PMPCB: variants seen among roughly 807,000 people sequenced by gnomAD.
PMPCB encodes the protein peptidase, mitochondrial processing subunit beta.
Under a neutral mutation model 61.5 loss-of-function variants are expected in PMPCB, and 46 were observed. The ratio of observed to expected loss-of-function variants is 0.75; its 90% CI spans 0.59 to 0.96. The LOEUF (loss-of-function observed/expected upper bound fraction) is 0.96, where lower values mean the gene tolerates loss of function less well. PMPCB is among the 40% of genes least tolerant of loss of function. PMPCB has a pLI of 0.00. For missense variants in PMPCB, 590 were observed against 602.4 expected (o/e 0.98, Z 0.22); for synonymous variants, 191 against 201.6 (o/e 0.95, Z 0.44).
rs750021053 is a variant in PMPCB, at chr7:103,297,568, C to T, written c.99+10C>T. The T allele has an allele frequency of 6.2e-7, 1 of 1,611,682 alleles. No individual in the cohort carries two copies. The highest frequency in any genetic ancestry group is 8.5e-7 in the Non-Finnish European group (1 of 1,178,610). On this transcript the variant is annotated intron_variant, in intron 1 of 12. Coordinates refer to ENST00000249269, the MANE Select transcript of PMPCB (RefSeq NM_004279.3). Reference sequence around the variant, plus strand: ...AGGCGCTGCGGGACGGGTGAGCTTCCCTCCAGGCCGGTCCTGTCCTCGAGA... The same window carrying T: ...AGGCGCTGCGGGACGGGTGAGCTTCTCTCCAGGCCGGTCCTGTCCTCGAGA...
At chr7:103,302,934 A>C (rs1287317090) in intron 4 of PMPCB, among the ~76,000 whole-genome samples, 3 of 152,210 alleles carry the variant, frequency 2.0e-5, no homozygotes, top group African/African-American at 7.2e-5. Context: ...AATCGTATTA[A>C]TGAAATTTAG....
chr7:103,322,825 A>G, intron 12 of PMPCB: 1 of 1,520,366 alleles, frequency 6.6e-7, no homozygotes, highest in Non-Finnish European at 9.0e-7. Flanking sequence ...GAAACAAACT[A>G]CTGCTTATAG....
chr7:103,316,667 G>T (rs918667343), downstream of PMPCB: 1 of 622,644 alleles, frequency 1.6e-6, no homozygotes, highest in South Asian at 2.0e-5. Flanking sequence ...CAATGGGTAA[G>T]ACTGACAGCT....
At chr7:103,344,288 C>T in the PMPCB span, 5 of 532,504 alleles carry the variant, frequency 9.4e-6, no homozygotes, top group Non-Finnish European at 1.7e-5. Flanking sequence ...GGGGTTCCGT[C>T]CCGAAATGCT....
exon 13 of PMPCB, chr7:103,329,162 C>G: frequency 3.0e-6 from 1 of 338,818 alleles, no homozygotes; most frequent in Non-Finnish European, 5.6e-6. Context: ...CTGTGTGTCA[C>G]TTACAATTAA....
intron 9 of PMPCB, 140 bp from the exon 10 acceptor site, chr7:103,311,503 C>G (rs948404149): frequency 2.7e-5 from 17 of 627,482 alleles, no homozygotes; most frequent in Middle Eastern, 3.1e-4. Flanking sequence ...GGAAAATAAT[C>G]ATTTTAGCTT....
the PMPCB span, chr7:103,344,538 C>G: frequency 2.5e-6 from 4 of 1,613,538 alleles, no homozygotes; most frequent in African/African-American, 5.3e-5. Flanking sequence ...GAGAAGGAAC[C>G]GAGGTTGGGT....
At chr7:103,300,038 G>A (rs1477862900) in intron 3 of PMPCB, 140 bp from the exon 4 acceptor site, 9 of 715,790 alleles carry the variant, frequency 1.3e-5, no homozygotes, top group Middle Eastern at 3.6e-4. Flanking sequence ...GTGAGCCATC[G>A]TACCATACCT....
At chr7:103,347,223 G>GT in the PMPCB span, among the ~76,000 whole-genome samples, 3 of 152,156 alleles carry the variant, frequency 2.0e-5, no homozygotes, top group Non-Finnish European at 2.9e-5. Context: ...GTTTTTGCTT[G>GT]TTTTTTAATA....
intron 12 of PMPCB, chr7:103,327,334 G>C: frequency 7.8e-7 from 1 of 1,281,076 alleles, no homozygotes; most frequent in Non-Finnish European, 1.0e-6. Flanking sequence ...ACACTTACAT[G>C]AATTAACTGT....
chr7:103,346,128 G>T, the PMPCB span, among the ~76,000 whole-genome samples: 4 of 151,714 alleles, frequency 2.6e-5, no homozygotes, highest in Non-Finnish European at 5.9e-5. Flanking sequence ...ATGGGTTTTT[G>T]TTTTTTTGTT....
In PMPCB at chr7:103,314,457, C is replaced by T; in HGVS notation, c.*2186C>T. Reference sequence around the variant, plus strand: ...AGTCACTCTTGCCTTCACAGGGTCACCTCTCCTCACAGAAAGCAGACTGGA... The same window carrying T: ...AGTCACTCTTGCCTTCACAGGGTCATCTCTCCTCACAGAAAGCAGACTGGA... On this transcript the variant is annotated 3_prime_UTR_variant, in exon 13 of 13. Transcript: ENST00000249269. 1.0e-6 allele frequency: 1 copy of T among 985,392 alleles called. No homozygotes were observed. The highest frequency in any genetic ancestry group is 1.2e-6 in the Non-Finnish European group (1 of 829,910). The allele number at this position is 985,392 out of a possible 1,614,324, so 61.0% of individuals were successfully genotyped here. A position where few individuals can be genotyped will look rare whatever the true frequency, so the allele number is the denominator to read the frequency against.
the PMPCB span, chr7:103,335,490 G>T: frequency 1.3e-5 from 2 of 151,208 alleles, no homozygotes; most frequent in Non-Finnish European, 2.9e-5. Context: ...AAAATTTTTG[G>T]CTAGAGAATA....
At position 103,312,741 on chromosome 7, in the gene PMPCB, T is replaced by C. The variant is rs539852099; in HGVS notation, c.*470T>C. 1,868 of 1,547,426 alleles carry C rather than the reference T, an allele frequency of 1.2e-3. 1 individual carries two copies. Among genetic ancestry groups the C allele is most frequent in the Non-Finnish European group, 1.5e-3 (1,732 of 1,155,658 alleles). On this transcript the variant is annotated 3_prime_UTR_variant, in exon 13 of 13. Transcript: ENST00000249269. ...AAAGAATTCAAGCAACTAAGATAGA[T>C]AGTACTAAATATACTGATTTCATTA...
intron 7 of PMPCB, among the ~76,000 whole-genome samples, chr7:103,307,933 TC>T (rs1817632246): frequency 6.6e-6 from 1 of 152,254 alleles, no homozygotes; most frequent in Non-Finnish European, 1.5e-5. Flanking sequence ...TTTAAATTTC[TC>T]CATTCTAGTC....
At position 103,322,451 on chromosome 7, in the gene PMPCB, A is replaced by C. The variant is rs966601416; in HGVS notation, c.*1432-6480A>C. The C allele has an allele frequency of 3.7e-6, 5 of 1,369,628 alleles. No homozygotes were observed. In the African/African-American group the frequency reaches 7.4e-5, roughly 20 times the overall value. 84.8% of individuals were successfully genotyped at this position (1,369,628 alleles called of 1,614,324 possible). A position where few individuals can be genotyped will look rare whatever the true frequency, so the allele number is the denominator to read the frequency against. On this transcript the variant is annotated intron_variant and NMD_transcript_variant, in intron 12 of 12. Coordinates refer to the PMPCB transcript ENST00000444457. Reference sequence around the variant, plus strand: ...TTTTTAAAAAAAGATGTGAAGATTAAAGTGAAGATTAAAGATTTCATAAAC... The same window carrying C: ...TTTTTAAAAAAAGATGTGAAGATTACAGTGAAGATTAAAGATTTCATAAAC...
chr7:103,316,742 G>T, downstream of PMPCB: 2 of 1,104,974 alleles, frequency 1.8e-6, no homozygotes, highest in Non-Finnish European at 2.6e-6. Context: ...GCAAGTTTCT[G>T]TGATAACAAG....
downstream of PMPCB, chr7:103,316,890 T>G: frequency 6.2e-7 from 1 of 1,614,054 alleles, no homozygotes; most frequent in Non-Finnish European, 8.5e-7. Flanking sequence ...TAGATCATCT[T>G]CTGACCAATT....
In PMPCB at chr7:103,321,809, C is replaced by G. The variant is rs556267919; in HGVS notation, c.*1432-7122C>G. 42 of 1,107,140 alleles carry G rather than the reference C, an allele frequency of 3.8e-5. No homozygotes were observed. In the Admixed American group the frequency reaches 6.7e-4, roughly 18 times the overall value. The allele number at this position is 1,107,140 out of a possible 1,614,324, so 68.6% of individuals were successfully genotyped here. ...ATTGCGGTGAACTGAGATCGCGCCA[C>G]TGCACTCCAGCCTGGGCGACAGAGC... On this transcript the variant is annotated intron_variant and NMD_transcript_variant, in intron 12 of 12. Transcript: ENST00000444457.
Sources: allele counts gnomAD v4.1 joint callset (sites outside exome capture counted in the v4.1 genomes callset), GRCh38; gene constraint gnomAD v4.1.1; transcripts MANE v1.5; gene names NCBI Gene and HGNC (gene_info 2026-07-23, HGNC 2026-07-21).